MFN1: variants seen among roughly 807,000 people sequenced by gnomAD.
MFN1 encodes the protein mitofusin-1.
MFN1 carries 65 observed loss-of-function variants against 92.4 expected under a neutral mutation model. The ratio of observed to expected loss-of-function variants is 0.70; its 90% CI spans 0.58 to 0.86. The LOEUF (loss-of-function observed/expected upper bound fraction) is 0.86, where lower values mean the gene tolerates loss of function less well. MFN1 is among the 40% of genes least tolerant of loss of function. The probability of loss-of-function intolerance (pLI) is 0.00; values close to 1 mark genes in which losing one functional copy is unlikely to be tolerated. For synonymous variants in MFN1, 297 were observed against 300.9 expected, an observed-to-expected ratio of 0.99 and a Z score of 0.13; for missense variants, 781 against 868.0, an observed-to-expected ratio of 0.90 and a Z score of 1.26.
At chr3:179,369,344 C>T (rs1339939948) in intron 9 of MFN1, among the ~76,000 whole-genome samples, 1 of 152,130 alleles carries the variant, frequency 6.6e-6, no homozygotes, top group African/African-American at 2.4e-5. Flanking sequence ...CCTCTCCTCA[C>T]TGTTATCAGT....
chr3:179,349,803 G>A (rs1200041848), intron 2 of MFN1, among the ~76,000 whole-genome samples: 2 of 148,700 alleles, frequency 1.3e-5, no homozygotes, highest in African/African-American at 2.5e-5. Flanking sequence ...CACCACACCC[G>A]GCCAGGAATC....
intron 11 of MFN1, 66 bp downstream of exon 11, chr3:179,377,234 T>A: frequency 6.5e-7 from 1 of 1,547,108 alleles, no homozygotes; most frequent in Non-Finnish European, 8.8e-7. Flanking sequence ...ATGCTAAAAA[T>A]GTTATTCCTG....
rs554998195 is a variant in MFN1 at position 179,349,056 on chromosome 3, G to A, written c.112+93G>A. On this transcript the variant is annotated intron_variant, in intron 2 of 17. Transcript: ENST00000471841. ...GTTAGTTATTGAACACATGTATAGG[G>A]CATTATACTGTATACTATGAGAAGT... 4.6e-5 allele frequency: 44 copies of A among 966,138 alleles called. 1 individual carries two copies. In the South Asian group the frequency reaches 6.7e-4, roughly 15 times the overall value. The allele number at this position is 966,138 out of a possible 1,614,324, so 59.8% of individuals were successfully genotyped here. A position where few individuals can be genotyped will look rare whatever the true frequency, so the allele number is the denominator to read the frequency against.
intron 12 of MFN1, among the ~76,000 whole-genome samples, chr3:179,377,822 T>C (rs1239098151): frequency 6.6e-6 from 1 of 151,970 alleles, no homozygotes; most frequent in Non-Finnish European, 1.5e-5. Context: ...CCCAGCACTT[T>C]GGGAGGCTGA....
At chr3:179,362,608 A>G in intron 5 of MFN1, 126 bp downstream of exon 5, 1 of 755,750 alleles carries the variant, frequency 1.3e-6, no homozygotes, top group Non-Finnish European at 2.0e-6. Context: ...AGCTAGATTA[A>G]GGAAGAGATA....
intron 4 of MFN1, 47 bp downstream of exon 4, chr3:179,359,049 C>T: frequency 6.7e-7 from 1 of 1,501,762 alleles, no homozygotes; most frequent in Middle Eastern, 1.8e-4. Flanking sequence ...AAACAATGTC[C>T]TGAACTTATT....
chr3:179,392,994 A>G lies in MFN1; in HGVS notation c.*935A>G, dbSNP rs1412703099. ...AGATTTTGGGTTCAAATATCTTTCT[A>G]TATTAAAAGCTGATTGAGTCTGTAC... On this transcript the variant is annotated 3_prime_UTR_variant, in exon 18 of 18. Transcript: ENST00000471841. The G allele has an allele frequency of 6.6e-6, 1 of 152,206 alleles. No individual in the cohort carries two copies. The highest frequency in any genetic ancestry group is 1.5e-5 in the Non-Finnish European group (1 of 68,036). 9.4% of individuals were successfully genotyped at this position (152,206 alleles called of 1,614,324 possible).
At chr3:179,389,898 T>G in intron 16 of MFN1, 106 bp from the exon 17 acceptor site, 1 of 1,027,126 alleles carries the variant, frequency 9.7e-7, no homozygotes, top group East Asian at 2.5e-5. Context: ...TTCCCTATAG[T>G]TTAGAAGTTT....
At chr3:179,386,669 C>A in intron 16 of MFN1, 40 bp downstream of exon 16, 1 of 1,546,146 alleles carries the variant, frequency 6.5e-7, no homozygotes, top group Non-Finnish European at 8.8e-7. Flanking sequence ...AAAAAAGTTA[C>A]TGAAATATGA....
intron 16 of MFN1, among the ~76,000 whole-genome samples, chr3:179,389,241 TTGGA>T (rs1713809067): frequency 6.6e-6 from 1 of 152,204 alleles, no homozygotes; most frequent in Non-Finnish European, 1.5e-5. Context: ...GTTAAGATAC[TTGGA>T]CATCCAAAGA....
chr3:179,392,056 C>A lies in MFN1; in HGVS notation c.2223C>A (p.Ser741=). The change falls in exon 18 of 18, where the codon TCC becomes TCA. Residue 741 remains serine (S), a synonymous_variant. Transcript: ENST00000471841. ...TTCTACCTTCAAGCAATGAAGAATC[C>A]TAACAATAGAGATTGCTTTGGTGAC... ...KQFLPSSNEE[S] is the part of the protein sequence containing the mutation. The A allele has an allele frequency of 1.2e-6, 2 of 1,603,380 alleles. No individual in the cohort carries two copies. The highest frequency in any genetic ancestry group is 1.7e-4 in the Middle Eastern group (1 of 5,940).
intron 9 of MFN1, among the ~76,000 whole-genome samples, chr3:179,372,385 G>T (rs564271002): frequency 3.3e-5 from 5 of 151,802 alleles, no homozygotes; most frequent in Non-Finnish European, 5.9e-5. Flanking sequence ...ATTAATGTAT[G>T]ATTAGAGTTC....
chr3:179,354,357 G>C (rs1322036386), intron 3 of MFN1, among the ~76,000 whole-genome samples: 1 of 152,250 alleles, frequency 6.6e-6, no homozygotes, highest in Non-Finnish European at 1.5e-5. Flanking sequence ...GCAAAAGTCA[G>C]ATTGTAAAAG....
At chr3:179,382,217 C>T (rs1418091975) in intron 14 of MFN1, among the ~76,000 whole-genome samples, 1 of 152,144 alleles carries the variant, frequency 6.6e-6, no homozygotes, top group Non-Finnish European at 1.5e-5. Flanking sequence ...GCTATCCCTC[C>T]TCCTTCCTCC....
At chr3:179,360,290 C>T (rs865832018) in intron 4 of MFN1, among the ~76,000 whole-genome samples, 18 of 152,274 alleles carry the variant, frequency 1.2e-4, no homozygotes, top group Middle Eastern at 3.4e-3. Context: ...ATTTGTCCCA[C>T]CTTGGCCTCC....
In MFN1 at chr3:179,374,315, CATATATAACATATATATGTAATAT is replaced by C. The variant is rs1713138679; in HGVS notation, c.976-888_976-865del. On this transcript the variant is annotated intron_variant, in intron 9 of 17. Coordinates refer to ENST00000471841, the MANE Select transcript of MFN1 (RefSeq NM_033540.3). ...AAGACTGTCAAAAATATATATATAA[CATATATAACATATATATGTAATAT>C]ATATATAACATATATAACATATATA... is the stretch of plus-strand genomic sequence containing the variant. Among the ~76,000 whole-genome samples, 3 of 60,206 alleles carry C rather than the reference CATATATAACATATATATGTAATAT, an allele frequency of 5.0e-5. No individual in the cohort carries two copies. The South Asian group carries it at 1.5e-3, about 29-fold the overall frequency. The allele number at this position is 60,206 out of a possible 152,430, so 39.5% of individuals were successfully genotyped here. A position where few individuals can be genotyped will look rare whatever the true frequency, so the allele number is the denominator to read the frequency against.
intron 3 of MFN1, among the ~76,000 whole-genome samples, chr3:179,355,458 C>T (rs1712312783): frequency 6.6e-6 from 1 of 152,138 alleles, no homozygotes; most frequent in Non-Finnish European, 1.5e-5. Context: ...GTGTTTAATA[C>T]AACTATATAT....
At chr3:179,360,730 G>C (rs2108530492) in intron 4 of MFN1, among the ~76,000 whole-genome samples, 1 of 150,608 alleles carries the variant, frequency 6.6e-6, no homozygotes, top group South Asian at 2.1e-4. Context: ...TCTTGGTAAA[G>C]TCATGGGTGG....
At chr3:179,363,517 G>C (rs540769892) in intron 5 of MFN1, among the ~76,000 whole-genome samples, 69 of 151,842 alleles carry the variant, frequency 4.5e-4, no homozygotes, top group African/African-American at 1.6e-3. Flanking sequence ...TCGGAGGCAG[G>C]GTCTTGCTGT....
Sources: allele counts gnomAD v4.1 joint callset (sites outside exome capture counted in the v4.1 genomes callset), GRCh38; gene constraint gnomAD v4.1.1; transcripts MANE v1.5; gene names NCBI Gene and HGNC (gene_info 2026-07-23, HGNC 2026-07-21).